SEMA3A: variants seen among roughly 807,000 people sequenced by gnomAD.
The protein encoded by SEMA3A is semaphorin 3A, also known as semaphorin-3A.
Under a neutral mutation model 97.9 loss-of-function variants are expected in SEMA3A, and 29 were observed. The observed-to-expected ratio is 0.30, with a 90% CI of 0.22 to 0.40. The LOEUF (loss-of-function observed/expected upper bound fraction) is 0.40, where lower values mean the gene tolerates loss of function less well. Among genes scored for constraint, SEMA3A ranks in the 10% least tolerant of loss-of-function variants. The pLI is 1.00. For missense variants in SEMA3A, 763 were observed against 951.3 expected (o/e 0.80, Z 2.60); for synonymous variants, 321 against 323.7 (o/e 0.99, Z 0.09).
At chr7:84,213,257 G>A (rs187085025) in intron 3 of SEMA3A, among the ~76,000 whole-genome samples, 2 of 152,216 alleles carry the variant, frequency 1.3e-5, no homozygotes, top group South Asian at 2.1e-4. Flanking sequence ...GATTACAGGC[G>A]TGAGCCATGG....
chr7:84,131,873 G>T (rs552589069), intron 2 of SEMA3A, among the ~76,000 whole-genome samples: 6 of 152,186 alleles, frequency 3.9e-5, no homozygotes, highest in African/African-American at 9.6e-5. Context: ...GCTCACTGCA[G>T]GCTTGACCTC....
intron 6 of SEMA3A, among the ~76,000 whole-genome samples, chr7:84,044,872 A>G (rs377101151): frequency 3.9e-5 from 6 of 152,188 alleles, no homozygotes; most frequent in African/African-American, 1.4e-4. Flanking sequence ...GGCTAAATTA[A>G]CCAAAGAACA....
chr7:84,050,840 T>C (rs1327254966), intron 5 of SEMA3A, among the ~76,000 whole-genome samples: 1 of 151,976 alleles, frequency 6.6e-6, no homozygotes, highest in Non-Finnish European at 1.5e-5. Flanking sequence ...TTTATGGTTT[T>C]AGGTCAAACG....
Position 84,395,358 on chromosome 7 carries a change from GAA to G in SEMA3A, c.-245-23460_-245-23459del, listed in dbSNP as rs35236072. 1.6e-3 allele frequency among the ~76,000 whole-genome samples: 228 copies of G among 141,882 alleles called. 1 individual carries two copies. The highest frequency in any genetic ancestry group is 2.7e-3 in the African/African-American group (108 of 39,800). 93.1% of individuals were successfully genotyped at this position (141,882 alleles called of 152,430 possible). A position where few individuals can be genotyped will look rare whatever the true frequency, so the allele number is the denominator to read the frequency against. On this transcript the variant is annotated intron_variant, in intron 1 of 3. Coordinates refer to the SEMA3A transcript ENST00000424555. ...TAGATACAAATCAAGAAACCCATAG[GAA>G]AAAAAAAAAAGTACCATGAGTGAAA...
chr7:83,992,812 G>A (rs1232952946), intron 12 of SEMA3A, among the ~76,000 whole-genome samples: 1 of 152,136 alleles, frequency 6.6e-6, no homozygotes, highest in Non-Finnish European at 1.5e-5. Flanking sequence ...GGGGTGGAGA[G>A]TTCTGTAGAT....
intron 2 of SEMA3A, among the ~76,000 whole-genome samples, chr7:84,340,156 A>G (rs781694054): frequency 6.6e-6 from 1 of 152,172 alleles, no homozygotes; most frequent in African/African-American, 2.4e-5. Context: ...TACTTTTACA[A>G]TTTCTGAACA....
chr7:84,055,474 C>T (rs552607308), intron 5 of SEMA3A, among the ~76,000 whole-genome samples: 5 of 152,028 alleles, frequency 3.3e-5, no homozygotes, highest in Non-Finnish European at 7.4e-5. Flanking sequence ...TTTCCAGGTG[C>T]CATCCGTCAC....
At chr7:84,448,570 C>T (rs1348507738) in intron 1 of SEMA3A, among the ~76,000 whole-genome samples, 1 of 151,054 alleles carries the variant, frequency 6.6e-6, no homozygotes. Flanking sequence ...GCATCAAAAA[C>T]AAAAACAAAA....
intron 3 of SEMA3A, among the ~76,000 whole-genome samples, chr7:84,259,332 T>A (rs1222656277): frequency 2.0e-5 from 3 of 152,180 alleles, no homozygotes; most frequent in Non-Finnish European, 4.4e-5. Context: ...GGATAAATTA[T>A]GACCAAAGAG....
At chr7:84,299,620 T>C (rs927220748) in intron 3 of SEMA3A, among the ~76,000 whole-genome samples, 2 of 151,350 alleles carry the variant, frequency 1.3e-5, no homozygotes, top group African/African-American at 4.9e-5. Context: ...TACTTGACCA[T>C]GAGGAAAGCT....
In SEMA3A at chr7:84,158,148, CTTTTTT is replaced by C. The variant is rs1187182577; in HGVS notation, c.113-23203_113-23198del. ...CTTATGCTTAATTTAACAGCTAATTCTTTTTTTTTTTTTTTTTTTTTTTTGAGATGG... is the reference window on the plus strand; with the variant it reads ...CTTATGCTTAATTTAACAGCTAATTCTTTTTTTTTTTTTTTTTTGAGATGG... On this transcript the variant is annotated intron_variant, in intron 1 of 16. Transcript: ENST00000265362. Among the ~76,000 whole-genome samples, 8 of 82,288 alleles carry C rather than the reference CTTTTTT, an allele frequency of 9.7e-5. No individual in the cohort carries two copies. The Admixed American group carries it at 1.0e-3, about 11-fold the overall frequency. The allele number at this position is 82,288 out of a possible 152,430, so 54.0% of individuals were successfully genotyped here. A position where few individuals can be genotyped will look rare whatever the true frequency, so the allele number is the denominator to read the frequency against.
chr7:83,960,773 C>T lies in SEMA3A; in HGVS notation c.*598G>A, dbSNP rs1279949478. On this transcript the variant is annotated 3_prime_UTR_variant, in exon 17 of 17. Transcript: ENST00000265362. ...TTAGATCAAAGCTGAAAGAAGACAT[C>T]AGTAGTAGATCAGTGTATTCCATTT... 1 of 151,422 alleles carries T rather than the reference C, an allele frequency of 6.6e-6. No homozygotes were observed. The highest frequency in any genetic ancestry group is 1.5e-5 in the Non-Finnish European group (1 of 68,030). 9.4% of individuals were successfully genotyped at this position (151,422 alleles called of 1,614,324 possible).
At chr7:84,283,237 A>C (rs755722242) in intron 3 of SEMA3A, among the ~76,000 whole-genome samples, 35 of 152,090 alleles carry the variant, frequency 2.3e-4, no homozygotes, top group Non-Finnish European at 4.0e-4. Flanking sequence ...TTCTAGAAGC[A>C]GTATACCGAT....
At chr7:84,103,804 A>C (rs1795027461) in intron 4 of SEMA3A, among the ~76,000 whole-genome samples, 1 of 152,110 alleles carries the variant, frequency 6.6e-6, no homozygotes, top group Non-Finnish European at 1.5e-5. Context: ...TGGAGAATGA[A>C]AGGGAAGATG....
At chr7:84,479,893 G>GACA (rs142844742) in intron 1 of SEMA3A, among the ~76,000 whole-genome samples, 195 of 152,052 alleles carry the variant, frequency 1.3e-3, no homozygotes, top group African/African-American at 4.3e-3. Flanking sequence ...AAGCAGCAGC[G>GACA]ACAACAACAA....
At chr7:84,228,547 T>G (rs1584146493) in intron 3 of SEMA3A, among the ~76,000 whole-genome samples, 1 of 152,058 alleles carries the variant, frequency 6.6e-6, no homozygotes, top group African/African-American at 2.4e-5. Flanking sequence ...CTTCAAACTA[T>G]CATGTTATAT....
chr7:84,406,454 G>A (rs1804091284), intron 1 of SEMA3A, among the ~76,000 whole-genome samples: 1 of 152,118 alleles, frequency 6.6e-6, no homozygotes, highest in South Asian at 2.1e-4. Context: ...ATTCACAGCC[G>A]AATTCTACCA....
Position 84,463,450 on chromosome 7 carries a change from G to A in SEMA3A, c.-246+29010C>T, listed in dbSNP as rs190052327. Reference sequence around the variant, plus strand: ...TTTTTAGTAGAGACGGGGTTTCACCGTGTTAGCCAGGATAGTCCCGATCTC... The same window carrying A: ...TTTTTAGTAGAGACGGGGTTTCACCATGTTAGCCAGGATAGTCCCGATCTC... On this transcript the variant is annotated intron_variant, in intron 1 of 3. Transcript: ENST00000424555. Among the ~76,000 whole-genome samples the A allele has an allele frequency of 1.2e-3, 182 of 151,654 alleles. 2 individuals carry two copies. The highest frequency in any genetic ancestry group is 4.2e-3 in the African/African-American group (173 of 41,360).
chr7:84,085,067 G>T (rs951443836), intron 4 of SEMA3A, among the ~76,000 whole-genome samples: 1 of 134,838 alleles, frequency 7.4e-6, no homozygotes, highest in East Asian at 2.2e-4. Flanking sequence ...ACAATGGTAA[G>T]AGAATTTTTT....
Sources: gnomAD v4.1 joint callset for allele counts (sites outside exome capture counted in the v4.1 genomes callset) on GRCh38, gnomAD v4.1.1 for gene constraint, MANE v1.5 for transcripts, NCBI Gene and HGNC (gene_info 2026-07-23, HGNC 2026-07-21) for gene names.